Variants in ELP6 observed in about 807,000 individuals in gnomAD.
ELP6 encodes elongator acetyltransferase complex subunit 6.
A neutral mutation model predicts 28.1 loss-of-function variants in ELP6; 23 were observed. The ratio of observed to expected loss-of-function variants is 0.82; its 90% CI spans 0.59 to 1.16. ELP6 has a LOEUF of 1.16. Ranked by LOEUF, ELP6 falls within the 50% of genes most tolerant of loss-of-function variation. ELP6 has a pLI of 0.00. For missense variants in ELP6, 313 were observed against 334.6 expected (o/e 0.94, Z 0.50); for synonymous variants, 132 against 135.8 (o/e 0.97, Z 0.19).
intron 4 of ELP6, 81 bp from the exon 5 acceptor site, chr3:47,501,932 G>C (rs1221984059): frequency 7.7e-7 from 1 of 1,301,860 alleles, no homozygotes; most frequent in African/African-American, 1.5e-5. Flanking sequence ...GACAGGAGAG[G>C]GCTAAGGGGG....
chr3:47,511,141 C>T lies in ELP6; in HGVS notation c.133+7G>A. On this transcript the variant is annotated splice_region_variant and intron_variant, in intron 2 of 6. Transcript: ENST00000296149. ...TTTCTTTTCTACAGCATCAATGAGT[C>T]CCATACCTTTGAGATAGAAGGAGAG... is the stretch of plus-strand genomic sequence containing the variant. 6.2e-7 allele frequency: 1 copy of T among 1,612,822 alleles called. No individual in the cohort carries two copies. The highest frequency in any genetic ancestry group is 8.5e-7 in the Non-Finnish European group (1 of 1,178,928).
chr3:47,504,465 G>C lies in ELP6; in HGVS notation c.205-17C>G, dbSNP rs1247926128. Reference sequence around the variant, plus strand: ...GCTGACACCCTAAACATGAAAAAGAGAGTGAGTTACTATGCCTTGTAGGGG... The same window carrying C: ...GCTGACACCCTAAACATGAAAAAGACAGTGAGTTACTATGCCTTGTAGGGG... On this transcript the variant is annotated splice_polypyrimidine_tract_variant and intron_variant, in intron 3 of 6. Coordinates refer to ENST00000296149, the MANE Select transcript of ELP6 (RefSeq NM_001031703.3). 2 of 1,589,004 alleles carry C rather than the reference G, an allele frequency of 1.3e-6. No individual in the cohort carries two copies. Among genetic ancestry groups the C allele is most frequent in the Non-Finnish European group, 1.7e-6 (2 of 1,165,940 alleles).
chr3:47,511,069 C>T, intron 2 of ELP6, 79 bp downstream of exon 2: 1 of 1,246,994 alleles, frequency 8.0e-7, no homozygotes, highest in South Asian at 1.3e-5. Flanking sequence ...GCTGTTATTG[C>T]TTCCTTAAAT....
At chr3:47,507,278 T>C (rs1427970312) in intron 3 of ELP6, among the ~76,000 whole-genome samples, 3 of 151,192 alleles carry the variant, frequency 2.0e-5, no homozygotes. Flanking sequence ...GGAGAATCAC[T>C]TGAACCTGGG....
chr3:47,498,267 C>T lies in ELP6; in HGVS notation c.672+19G>A. ...GGTACACGGGCAAGAAGCCTGTTGC[C>T]CAGGAGGCCCCTGCATACCTGCCCG... On this transcript the variant is annotated intron_variant, in intron 6 of 6. Transcript: ENST00000296149. The T allele has an allele frequency of 6.2e-7, 1 of 1,612,392 alleles. No individual in the cohort carries two copies.
At chr3:47,510,285 T>C in intron 2 of ELP6, 31 bp from the exon 3 acceptor site, 1 of 1,590,388 alleles carries the variant, frequency 6.3e-7, no homozygotes, top group Non-Finnish European at 8.6e-7. Context: ...TTTAAATAAA[T>C]CCTCTGGTTA....
chr3:47,505,816 C>T (rs1311298854), intron 3 of ELP6, among the ~76,000 whole-genome samples: 1 of 152,180 alleles, frequency 6.6e-6, no homozygotes, highest in Non-Finnish European at 1.5e-5. Flanking sequence ...AGGTGATCCA[C>T]CCGCCTTGGC....
At chr3:47,502,711 G>T (rs115941814) in intron 4 of ELP6, among the ~76,000 whole-genome samples, 2,575 of 151,992 alleles carry the variant, frequency 0.017, 49 homozygotes, top group South Asian at 0.07. Flanking sequence ...ATGGTGGTAC[G>T]CCCCTGTAGT....
intron 3 of ELP6, among the ~76,000 whole-genome samples, chr3:47,506,474 G>A (rs986739346): frequency 6.6e-6 from 1 of 152,142 alleles, no homozygotes; most frequent in African/African-American, 2.4e-5. Flanking sequence ...GCCATGCCCA[G>A]GGGGGCCAGT....
intron 4 of ELP6, 75 bp from the exon 5 acceptor site, chr3:47,501,926 G>A (rs1347606792): frequency 7.2e-7 from 1 of 1,379,958 alleles, no homozygotes; most frequent in Non-Finnish European, 1.0e-6. Flanking sequence ...TAGCACGACA[G>A]GAGAGGGCTA....
chr3:47,501,953 G>T, intron 4 of ELP6, 102 bp from the exon 5 acceptor site: 1 of 1,090,578 alleles, frequency 9.2e-7, no homozygotes, highest in Non-Finnish European at 1.3e-6. Context: ...ACAAAGAACT[G>T]TATCACAATT....
chr3:47,498,497 C>T (rs1708546189), intron 5 of ELP6, 65 bp from the exon 6 acceptor site: 10 of 1,581,916 alleles, frequency 6.3e-6, no homozygotes, highest in Middle Eastern at 3.4e-4. Context: ...CAGGGAGTGC[C>T]AGCCTCTCGT....
chr3:47,504,636 G>A, intron 3 of ELP6, 188 bp from the exon 4 acceptor site: 1 of 985,344 alleles, frequency 1.0e-6, no homozygotes, highest in Non-Finnish European at 1.2e-6. Context: ...GTTTTCAGAT[G>A]TGTATTTCCA....
Position 47,496,097 on chromosome 3 carries a change from G to T in ELP6, c.773C>A (p.Ala258Asp). Reference protein sequence around the residue: ...KIQDKSVSFFAKGMSPAVL With the variant: ...KIQDKSVSFFDKGMSPAVL ...CAGAACAGCAGGAGACATTCCTTTG[G>T]CAAAAAAGGACACGCTTTTGTCCTG... is the stretch of plus-strand genomic sequence containing the variant. Residue 258 changes from alanine (A) to aspartate (D), a missense_variant, in exon 7 of 7, where the codon GCC becomes GAC. By Grantham distance (126) the Ala-to-Asp change is moderately radical. Transcript: ENST00000296149. The T allele has an allele frequency of 1.2e-6, 2 of 1,613,980 alleles. No individual in the cohort carries two copies. The highest frequency in any genetic ancestry group is 1.7e-6 in the Non-Finnish European group (2 of 1,179,964).
chr3:47,501,612 G>T, intron 5 of ELP6, 38 bp downstream of exon 5: 1 of 1,597,720 alleles, frequency 6.3e-7, no homozygotes, highest in Non-Finnish European at 8.6e-7. Context: ...GTTCTTGGAG[G>T]TCACAGGTGG....
At chr3:47,503,284 T>G in intron 4 of ELP6, 1 of 1,280,076 alleles carries the variant, frequency 7.8e-7, no homozygotes, top group South Asian at 1.3e-5. Flanking sequence ...GTGGGGGAAG[T>G]TCCTGTGTGG....
chr3:47,502,020 G>C (rs1267384297), intron 4 of ELP6, among the ~76,000 whole-genome samples, 169 bp from the exon 5 acceptor site: 1 of 152,112 alleles, frequency 6.6e-6, no homozygotes, highest in Non-Finnish European at 1.5e-5. Context: ...ACATGTACAG[G>C]AGTAATTCAA....
intron 3 of ELP6, among the ~76,000 whole-genome samples, chr3:47,508,610 CAATA>C (rs1708916913): frequency 6.6e-6 from 1 of 152,088 alleles, no homozygotes; most frequent in Non-Finnish European, 1.5e-5. Context: ...TGGTGGATTA[CAATA>C]GCTGATTTTC....
intron 5 of ELP6, among the ~76,000 whole-genome samples, chr3:47,501,074 C>T (rs935583958): frequency 1.2e-4 from 19 of 152,148 alleles, no homozygotes; most frequent in Admixed American, 8.5e-4. Context: ...TTGTTAAAAA[C>T]CCTATTATGG....
Sources: allele counts gnomAD v4.1 joint callset (sites outside exome capture counted in the v4.1 genomes callset), GRCh38; gene constraint gnomAD v4.1.1; transcripts MANE v1.5; gene names NCBI Gene and HGNC (gene_info 2026-07-23, HGNC 2026-07-21).